CAST: variants seen among roughly 807,000 people sequenced by gnomAD.
CAST encodes the protein MIR583 host.
A neutral mutation model predicts 119.6 loss-of-function variants in CAST; 76 were observed. That is an observed-to-expected ratio of 0.64 (90% confidence interval 0.53 to 0.77). The LOEUF is 0.77. Among genes scored for constraint, CAST ranks in the 30% least tolerant of loss-of-function variants. CAST has a pLI of 0.00. For synonymous variants in CAST, 319 were observed against 331.6 expected (o/e 0.96, Z 0.41); for missense variants, 953 against 946.5 (o/e 1.01, Z -0.09).
intron 4 of CAST, among the ~76,000 whole-genome samples, chr5:96,723,471 C>A (rs1212493329): frequency 6.6e-6 from 1 of 152,098 alleles, no homozygotes; most frequent in Non-Finnish European, 1.5e-5. Flanking sequence ...ATTTCGGATG[C>A]TTTCCCAAGT....
the CAST span, chr5:96,422,011 AAAAAAAAAG>A: frequency 1.1e-6 from 1 of 902,680 alleles, no homozygotes; most frequent in Non-Finnish European, 1.8e-6. Context: ...AAAAAAAAAA[AAAAAAAAAG>A]CATCACTTCC....
the CAST span, among the ~76,000 whole-genome samples, chr5:96,284,264 C>T: frequency 3.3e-5 from 5 of 152,134 alleles, no homozygotes; most frequent in Non-Finnish European, 1.5e-5. Flanking sequence ...CAGAGTCCTC[C>T]CAGAATAACT....
the CAST span, chr5:96,391,796 A>G: frequency 2.0e-5 from 3 of 152,216 alleles, no homozygotes; most frequent in Non-Finnish European, 4.4e-5. Flanking sequence ...GTGAAACATC[A>G]TATTTTCAAT....
At chr5:96,137,353 T>C in the CAST span, among the ~76,000 whole-genome samples, 3 of 152,296 alleles carry the variant, frequency 2.0e-5, no homozygotes, top group South Asian at 6.2e-4. Flanking sequence ...CTCATTTTTT[T>C]ATTGCTCAAT....
chr5:96,639,123 C>A (rs1028340139), intron 1 of CAST, among the ~76,000 whole-genome samples: 3 of 152,226 alleles, frequency 2.0e-5, no homozygotes, highest in African/African-American at 7.2e-5. Flanking sequence ...TATTTCTAGA[C>A]TTACTCATCC....
the CAST span, among the ~76,000 whole-genome samples, chr5:96,105,476 G>A: frequency 5.9e-5 from 9 of 152,260 alleles, no homozygotes; most frequent in Middle Eastern, 3.4e-3. Context: ...GGCCTTTTCT[G>A]CATCTATTGA....
chr5:96,653,060 C>G (rs1160537874), intron 1 of CAST, among the ~76,000 whole-genome samples: 3 of 152,200 alleles, frequency 2.0e-5, no homozygotes, highest in African/African-American at 7.2e-5. Context: ...CCATTATCTC[C>G]CAAATTAATG....
chr5:96,586,022 T>G (rs2150190390), intron 1 of CAST, among the ~76,000 whole-genome samples: 2 of 152,332 alleles, frequency 1.3e-5, no homozygotes, highest in Middle Eastern at 6.8e-3. Context: ...ACTGAAAAAT[T>G]TTATGTGTCA....
chr5:96,021,650 G>T, the CAST span, among the ~76,000 whole-genome samples: 1 of 152,058 alleles, frequency 6.6e-6, no homozygotes, highest in Non-Finnish European at 1.5e-5. Context: ...GTTTCACTGT[G>T]TTAGCCAGGA....
At chr5:96,473,493 G>A in the CAST span, among the ~76,000 whole-genome samples, 2 of 152,186 alleles carry the variant, frequency 1.3e-5, no homozygotes, top group Non-Finnish European at 2.9e-5. Context: ...AGAATCCAGG[G>A]TCCCCCTGAT....
chr5:96,339,744 G>A, the CAST span, among the ~76,000 whole-genome samples: 3 of 152,218 alleles, frequency 2.0e-5, no homozygotes, highest in Non-Finnish European at 2.9e-5. Flanking sequence ...GCTAAGGTGA[G>A]TCCTGCTGAG....
the CAST span, among the ~76,000 whole-genome samples, chr5:96,021,668 T>G: frequency 0.05 from 7,663 of 152,140 alleles, 495 homozygotes; most frequent in African/African-American, 0.14. Context: ...GGATGGTCTT[T>G]ATCTCCTGAC....
At chr5:96,070,456 G>A in the CAST span, among the ~76,000 whole-genome samples, 1 of 152,164 alleles carries the variant, frequency 6.6e-6, no homozygotes, top group Non-Finnish European at 1.5e-5. Flanking sequence ...CACAGTATGA[G>A]AAATTCTTCA....
At chr5:96,413,385 C>T in the CAST span, among the ~76,000 whole-genome samples, 86 of 152,278 alleles carry the variant, frequency 5.6e-4, no homozygotes, top group East Asian at 0.012. Context: ...GCTTCAGGCT[C>T]ATAATACAAT....
the CAST span, among the ~76,000 whole-genome samples, chr5:96,324,399 T>G: frequency 6.6e-6 from 1 of 152,260 alleles, no homozygotes; most frequent in Non-Finnish European, 1.5e-5. Context: ...CAGATGTGAC[T>G]GCTTAGCTGA....
chr5:96,354,825 AG>A, the CAST span, among the ~76,000 whole-genome samples: 1 of 150,640 alleles, frequency 6.6e-6, no homozygotes, highest in Non-Finnish European at 1.5e-5. Flanking sequence ...TGAAAGATGA[AG>A]GTCTAGTATG....
chr5:96,505,557 G>T, the CAST span, among the ~76,000 whole-genome samples: 1 of 152,176 alleles, frequency 6.6e-6, no homozygotes, highest in African/African-American at 2.4e-5. Context: ...TGAATCTTTA[G>T]CCCATAGAGA....
At chr5:96,636,294 C>T (rs1747885722) in intron 1 of CAST, among the ~76,000 whole-genome samples, 2 of 152,118 alleles carry the variant, frequency 1.3e-5, no homozygotes, top group South Asian at 4.1e-4. Context: ...AAGCTCCTGA[C>T]ACATAGCAGC....
upstream of CAST, among the ~76,000 whole-genome samples, chr5:96,659,726 C>T (rs989380502): frequency 1.3e-4 from 20 of 152,026 alleles, no homozygotes; most frequent in African/African-American, 4.3e-4. Context: ...GACGGGGTTT[C>T]GTCGTGTTGC....
Sources: gnomAD v4.1 joint callset for allele counts (sites outside exome capture counted in the v4.1 genomes callset) on GRCh38, gnomAD v4.1.1 for gene constraint, MANE v1.5 for transcripts, NCBI Gene and HGNC (gene_info 2026-07-23, HGNC 2026-07-21) for gene names.